Variants in IGFBP7 observed in about 807,000 individuals in gnomAD.
The protein encoded by IGFBP7 is insulin-like growth factor-binding protein 7.
Under a neutral mutation model 29.4 loss-of-function variants are expected in IGFBP7, and 31 were observed. The observed-to-expected ratio is 1.05, with a 90% CI of 0.79 to 1.42. The LOEUF (loss-of-function observed/expected upper bound fraction) is 1.42, where lower values mean the gene tolerates loss of function less well. Ranked by LOEUF, IGFBP7 falls within the 40% of genes most tolerant of loss-of-function variation. IGFBP7 has a pLI of 0.00. For missense variants in IGFBP7, 393 were observed against 395.5 expected (o/e 0.99, Z 0.05); for synonymous variants, 172 against 174.9 (o/e 0.98, Z 0.13).
intron 1 of IGFBP7, among the ~76,000 whole-genome samples, chr4:57,106,920 T>C (rs971460266): frequency 6.6e-6 from 1 of 152,214 alleles, no homozygotes; most frequent in African/African-American, 2.4e-5. Context: ...TACAATCTAA[T>C]GGCAGTAAAT....
At chr4:57,043,635 A>G (rs1281707815) in intron 1 of IGFBP7, among the ~76,000 whole-genome samples, 1 of 152,176 alleles carries the variant, frequency 6.6e-6, no homozygotes, top group Non-Finnish European at 1.5e-5. Flanking sequence ...GTGCAAAACA[A>G]TCAAAAGTTT....
At chr4:57,046,791 C>CAACCA (rs1401971338) in intron 1 of IGFBP7, among the ~76,000 whole-genome samples, 29 of 152,178 alleles carry the variant, frequency 1.9e-4, no homozygotes, top group African/African-American at 7.0e-4. Flanking sequence ...AAGTCATCTG[C>CAACCA]AGTGCTGCCT....
intron 1 of IGFBP7, among the ~76,000 whole-genome samples, chr4:57,053,477 C>T (rs1578618712): frequency 1.3e-5 from 2 of 152,142 alleles, no homozygotes; most frequent in East Asian, 3.9e-4. Flanking sequence ...CCTGCTACTG[C>T]CATGAAGCAA....
At chr4:57,050,044 C>G (rs1304299427) in intron 1 of IGFBP7, among the ~76,000 whole-genome samples, 1 of 151,926 alleles carries the variant, frequency 6.6e-6, no homozygotes, top group East Asian at 1.9e-4. Flanking sequence ...TGTTTCTTGG[C>G]TACTAACCAC....
intron 1 of IGFBP7, among the ~76,000 whole-genome samples, chr4:57,046,968 C>T (rs1269979287): frequency 6.6e-6 from 1 of 152,194 alleles, no homozygotes; most frequent in Non-Finnish European, 1.5e-5. Context: ...CTTGCCTTCC[C>T]TATTTTTTAT....
At chr4:57,061,697 A>G (rs1336241998) in intron 1 of IGFBP7, among the ~76,000 whole-genome samples, 2 of 152,244 alleles carry the variant, frequency 1.3e-5, no homozygotes, top group African/African-American at 4.8e-5. Flanking sequence ...GGAATTTCCC[A>G]TGTAATATTT....
intron 1 of IGFBP7, among the ~76,000 whole-genome samples, chr4:57,060,596 TA>T: frequency 6.6e-6 from 1 of 152,174 alleles, no homozygotes; most frequent in East Asian, 1.9e-4. Flanking sequence ...ACTTCTGCTT[TA>T]ATGTTTAACT....
At chr4:57,080,801 A>T (rs192764367) in intron 1 of IGFBP7, among the ~76,000 whole-genome samples, 1 of 152,356 alleles carries the variant, frequency 6.6e-6, no homozygotes, top group East Asian at 1.9e-4. Context: ...GTCAGGAGAC[A>T]AACCAAACAG....
chr4:57,068,226 G>A (rs754418941), intron 1 of IGFBP7, among the ~76,000 whole-genome samples: 4 of 151,150 alleles, frequency 2.6e-5, no homozygotes, highest in African/African-American at 4.9e-5. Context: ...GGAGGTGGAG[G>A]TTGCAGTGAG....
At chr4:57,079,602 A>G (rs1448753479) in intron 1 of IGFBP7, among the ~76,000 whole-genome samples, 3 of 152,364 alleles carry the variant, frequency 2.0e-5, no homozygotes, top group Admixed American at 1.3e-4. Context: ...AGTCTTCAGG[A>G]AAGTAATAGA....
At chr4:57,032,354 C>G in intron 4 of IGFBP7, 72 bp downstream of exon 4, 1 of 1,574,880 alleles carries the variant, frequency 6.3e-7, no homozygotes. Context: ...CTGATACTTT[C>G]ATACTTAGTT....
chr4:57,038,458 CT>C (rs1301747099), intron 2 of IGFBP7, among the ~76,000 whole-genome samples: 3 of 152,166 alleles, frequency 2.0e-5, no homozygotes, highest in African/African-American at 7.2e-5. Context: ...TCCCGCCCCG[CT>C]TTTTGTTTTG....
chr4:57,100,496 G>A (rs1578652603), intron 1 of IGFBP7, among the ~76,000 whole-genome samples: 1 of 152,040 alleles, frequency 6.6e-6, no homozygotes, highest in Non-Finnish European at 1.5e-5. Flanking sequence ...TTTTTAGAAG[G>A]CACAGCATAT....
At chr4:57,105,058 AAG>A (rs1381213333) in intron 1 of IGFBP7, among the ~76,000 whole-genome samples, 10 of 152,188 alleles carry the variant, frequency 6.6e-5, no homozygotes, top group Admixed American at 6.5e-4. Flanking sequence ...TCTAGTGGGG[AAG>A]ACAGACATTC....
At chr4:57,052,287 C>G (rs184016246) in intron 1 of IGFBP7, among the ~76,000 whole-genome samples, 5 of 152,220 alleles carry the variant, frequency 3.3e-5, no homozygotes, top group African/African-American at 1.2e-4. Context: ...CTCAAAGGTT[C>G]CAGGAGGCTG....
At chr4:57,088,726 G>A (rs1306845225) in intron 1 of IGFBP7, among the ~76,000 whole-genome samples, 8 of 151,982 alleles carry the variant, frequency 5.3e-5, no homozygotes, top group African/African-American at 1.9e-4. Context: ...ACAAAACTGA[G>A]GTTAAGAGGA....
At chr4:57,066,587 G>A (rs998339875) in intron 1 of IGFBP7, among the ~76,000 whole-genome samples, 2 of 151,350 alleles carry the variant, frequency 1.3e-5, no homozygotes, top group Non-Finnish European at 2.9e-5. Flanking sequence ...TTTTGGAGAT[G>A]GAGTCTTGCT....
intron 1 of IGFBP7, among the ~76,000 whole-genome samples, chr4:57,093,639 G>T (rs921246201): frequency 2.6e-5 from 4 of 151,602 alleles, no homozygotes; most frequent in African/African-American, 9.7e-5. Flanking sequence ...TTACACATTT[G>T]CCAGGGAGCT....
At chr4:57,052,184 G>C (rs1010076850) in intron 1 of IGFBP7, among the ~76,000 whole-genome samples, 2 of 152,124 alleles carry the variant, frequency 1.3e-5, no homozygotes, top group African/African-American at 4.8e-5. Flanking sequence ...ACAGAGAAAA[G>C]GGGAAGACTT....
Sources: allele counts gnomAD v4.1 joint callset (sites outside exome capture counted in the v4.1 genomes callset), GRCh38; gene constraint gnomAD v4.1.1; transcripts MANE v1.5; gene names NCBI Gene and HGNC (gene_info 2026-07-23, HGNC 2026-07-21).